The following PCDHA8 variants were observed in gnomAD, a reference collection of about 807,000 sequenced individuals.
The protein encoded by PCDHA8 is protocadherin alpha 8.
In PCDHA8, 53 loss-of-function variants were observed where a neutral mutation model predicts 61.8. That is an observed-to-expected ratio of 0.86 (90% CI 0.69 to 1.08). PCDHA8 has a LOEUF of 1.08. Among genes scored for constraint, PCDHA8 ranks in the 50% least tolerant of loss-of-function variants. The probability of loss-of-function intolerance (pLI) is 0.00; values close to 1 mark genes in which losing one functional copy is unlikely to be tolerated. For missense variants in PCDHA8, 1,293 were observed against 1,245.0 expected, an observed-to-expected ratio of 1.04 and a Z score of -0.58; for synonymous variants, 618 against 556.6, an observed-to-expected ratio of 1.11 and a Z score of -1.55.
intron 1 of PCDHA8, among the ~76,000 whole-genome samples, chr5:140,918,233 T>C (rs1554198474): frequency 6.6e-6 from 1 of 152,210 alleles, no homozygotes; most frequent in South Asian, 2.1e-4. Context: ...TTTTTGTACA[T>C]TGATTTTGTA....
chr5:140,964,600 A>G (rs1322521285), intron 1 of PCDHA8, among the ~76,000 whole-genome samples: 1 of 152,104 alleles, frequency 6.6e-6, no homozygotes, highest in Non-Finnish European at 1.5e-5. Flanking sequence ...TTTCATGACA[A>G]CTTACAACTT....
intron 1 of PCDHA8, among the ~76,000 whole-genome samples, chr5:140,914,691 T>G (rs1300550753): frequency 6.6e-6 from 1 of 152,130 alleles, no homozygotes; most frequent in Non-Finnish European, 1.5e-5. Flanking sequence ...TTTTCTCTGG[T>G]GGTATGATTT....
At chr5:140,872,580 T>C (rs1554166256) in intron 1 of PCDHA8, among the ~76,000 whole-genome samples, 1 of 152,172 alleles carries the variant, frequency 6.6e-6, no homozygotes, top group Middle Eastern at 3.2e-3. Flanking sequence ...TGACCTATCA[T>C]CGTGAGACCC....
intron 1 of PCDHA8, chr5:140,859,219 T>G (rs901080538): frequency 2.0e-5 from 3 of 149,830 alleles, no homozygotes; most frequent in African/African-American, 4.9e-5. Context: ...CTCTTTCACT[T>G]TAAGGAAGGA....
At position 140,870,817 on chromosome 5, in the gene PCDHA8, G is replaced by C. The variant is rs782095168; in HGVS notation, c.2394+27102G>C. On this transcript the variant is annotated intron_variant, in intron 1 of 3. Coordinates refer to ENST00000531613, the MANE Select transcript of PCDHA8 (RefSeq NM_018911.3). ...ACTGCTGGCGACTCAGGCTGGCAGCGCGGGAGGCGCAGTTAACAAGCTAGT... is the reference window on the plus strand; with the variant it reads ...ACTGCTGGCGACTCAGGCTGGCAGCCCGGGAGGCGCAGTTAACAAGCTAGT... The C allele has an allele frequency of 9.9e-6, 16 of 1,613,726 alleles. No individual in the cohort carries two copies. In the South Asian group the frequency reaches 1.3e-4, roughly 13 times the overall value.
chr5:140,877,684 A>C, intron 1 of PCDHA8: 1 of 1,613,768 alleles, frequency 6.2e-7, no homozygotes, highest in East Asian at 2.2e-5. Flanking sequence ...GGGCAAGCCC[A>C]CGCTGGTGTG....
rs2060245016 is a variant in PCDHA8 at position 140,884,536 on chromosome 5, G to C, written c.2394+40821G>C. 5 of 1,614,090 alleles carry C rather than the reference G, an allele frequency of 3.1e-6. No individual in the cohort carries two copies. In the East Asian group the frequency reaches 1.1e-4, roughly 36 times the overall value. ...GGTCGTACTCGCAGCAGAGGCGGCC[G>C]AGGGTGTGCTCTGGGGAGGGCCCGC... On this transcript the variant is annotated intron_variant, in intron 1 of 3. Transcript: ENST00000531613.
At chr5:140,900,673 A>T (rs936784929) in intron 1 of PCDHA8, among the ~76,000 whole-genome samples, 6 of 152,210 alleles carry the variant, frequency 3.9e-5, no homozygotes, top group African/African-American at 1.4e-4. Context: ...GAGTGCAGTT[A>T]TCTCTTCAAT....
rs2098416660 is a variant in PCDHA8, at chr5:141,010,249, T to C, written c.*312T>C. ...GCCCCGCCAGTGAGAGGTTGGACTC[T>C]CTGCCCTGTGCTCCGGGGATCCTGT... On this transcript the variant is annotated 3_prime_UTR_variant, in exon 4 of 4. Coordinates refer to ENST00000531613, the MANE Select transcript of PCDHA8 (RefSeq NM_018911.3). 2 of 1,551,772 alleles carry C rather than the reference T, an allele frequency of 1.3e-6. No homozygotes were observed. Among genetic ancestry groups the C allele is most frequent in the Non-Finnish European group, 1.7e-6 (2 of 1,147,036 alleles).
chr5:140,916,142 T>C (rs868910993), intron 1 of PCDHA8, among the ~76,000 whole-genome samples: 2 of 151,944 alleles, frequency 1.3e-5, no homozygotes, highest in African/African-American at 4.8e-5. Context: ...GGCTGTTCAG[T>C]TGTGTTGTGG....
Position 140,871,064 on chromosome 5 carries a change from G to A in PCDHA8, c.2394+27349G>A, listed in dbSNP as rs369373152. The A allele has an allele frequency of 5.6e-6, 9 of 1,613,116 alleles. No individual in the cohort carries two copies. Among genetic ancestry groups the A allele is most frequent in the Middle Eastern group, 1.6e-4 (1 of 6,084 alleles). ...CTTCTAGTACTGGTGAAGGATCACG[G>A]TGAGCCGGCGCTGACGGCCACGGCC... On this transcript the variant is annotated intron_variant, in intron 1 of 3. Coordinates refer to ENST00000531613, the MANE Select transcript of PCDHA8 (RefSeq NM_018911.3).
chr5:140,857,560 G>C, intron 1 of PCDHA8: 1 of 1,596,914 alleles, frequency 6.3e-7, no homozygotes, highest in Non-Finnish European at 8.6e-7. Flanking sequence ...GCTCGCTGTC[G>C]AGCTACGTGT....
At chr5:140,942,332 C>T (rs2093271266) in intron 1 of PCDHA8, among the ~76,000 whole-genome samples, 1 of 151,760 alleles carries the variant, frequency 6.6e-6, no homozygotes, top group Non-Finnish European at 1.5e-5. Flanking sequence ...ATCACTTGAA[C>T]CAGAGGGAGG....
chr5:140,966,699 C>A, intron 1 of PCDHA8: 1 of 1,361,588 alleles, frequency 7.3e-7, no homozygotes, highest in Non-Finnish European at 9.4e-7. Context: ...GGGGCCCGGG[C>A]GTGGGGCACG....
rs926604630 is a variant in PCDHA8 at position 140,857,768 on chromosome 5, G to C, written c.2394+14053G>C. ...GGCGTCTCCCGCTGGCAGCGCGGGC[G>C]GTGCAGTCAGTGAGCTGGTGCTGCG... On this transcript the variant is annotated intron_variant, in intron 1 of 3. Transcript: ENST00000531613. 6 of 1,597,542 alleles carry C rather than the reference G, an allele frequency of 3.8e-6. 2 individuals carry two copies. In the South Asian group the frequency reaches 5.5e-5, roughly 15 times the overall value.
chr5:140,968,587 C>T (rs1554230892), intron 1 of PCDHA8: 8 of 1,614,196 alleles, frequency 5.0e-6, no homozygotes, highest in Non-Finnish European at 6.8e-6. Context: ...TCACCAAAGT[C>T]ATAGCTATGG....
rs1554169498 is a variant in PCDHA8 at position 140,877,227 on chromosome 5, G to A, written c.2394+33512G>A. On this transcript the variant is annotated intron_variant, in intron 1 of 3. Transcript: ENST00000531613. ...TTAGCGAGTTGGTACCGCGGTCGGT[G>A]GGTGCGGGCCACGTGGTGGCGAAAG... The A allele has an allele frequency of 1.9e-6, 3 of 1,613,738 alleles. No homozygotes were observed. The South Asian group carries it at 3.3e-5, about 18-fold the overall frequency.
intron 1 of PCDHA8, chr5:140,854,705 T>A (rs1409807504): frequency 2.7e-5 from 4 of 150,008 alleles, no homozygotes; most frequent in Non-Finnish European, 4.5e-5. Context: ...TTTCCTTTCT[T>A]GGAAAGACAG....
intron 1 of PCDHA8, chr5:140,858,764 G>A: frequency 4.4e-6 from 2 of 451,976 alleles, no homozygotes; most frequent in South Asian, 5.7e-5. Context: ...ACAAATATTT[G>A]TGAGATTAGT....
Sources: gnomAD v4.1 joint callset for allele counts (sites outside exome capture counted in the v4.1 genomes callset) on GRCh38, gnomAD v4.1.1 for gene constraint, MANE v1.5 for transcripts, NCBI Gene and HGNC (gene_info 2026-07-23, HGNC 2026-07-21) for gene names.